PCDHA4: variants seen among roughly 807,000 people sequenced by gnomAD.
The protein encoded by PCDHA4 is protocadherin alpha-4.
Under a neutral mutation model 61.4 loss-of-function variants are expected in PCDHA4, and 49 were observed. That is an observed-to-expected ratio of 0.80 (90% confidence interval 0.63 to 1.01). The LOEUF (loss-of-function observed/expected upper bound fraction) is 1.01, where lower values mean the gene tolerates loss of function less well. Ranked by LOEUF, PCDHA4 falls within the 50% of genes least tolerant of loss-of-function variation. The pLI is 0.00. For synonymous variants in PCDHA4, 590 were observed against 550.3 expected (o/e 1.07, Z -1.01); for missense variants, 1,254 against 1,235.8 (o/e 1.01, Z -0.22).
chr5:140,823,733 A>T (rs2150128573), intron 1 of PCDHA4: 19 of 1,613,748 alleles, frequency 1.2e-5, no homozygotes, highest in Non-Finnish European at 1.6e-5. Flanking sequence ...GTGAAGGACC[A>T]TGGAGAGCCC....
chr5:140,845,157 C>T (rs1273679091), intron 1 of PCDHA4, among the ~76,000 whole-genome samples: 6 of 149,288 alleles, frequency 4.0e-5, no homozygotes, highest in Non-Finnish European at 7.5e-5. Context: ...TGTGTAAAAG[C>T]GAATTGTTTT....
At chr5:140,853,141 A>G in intron 1 of PCDHA4, 1 of 767,574 alleles carries the variant, frequency 1.3e-6, no homozygotes, top group Non-Finnish European at 1.6e-6. Flanking sequence ...AGCCTCCCAA[A>G]ATGCTGGGAT....
intron 1 of PCDHA4, among the ~76,000 whole-genome samples, chr5:140,954,933 CTT>C (rs2095111807): frequency 6.6e-6 from 1 of 152,044 alleles, no homozygotes; most frequent in East Asian, 1.9e-4. Flanking sequence ...TTTAATTAAT[CTT>C]GAGTTAATTT....
At position 140,966,655 on chromosome 5, in the gene PCDHA4, G is replaced by T. The variant is rs576875582; in HGVS notation, c.2386-12294G>T. The T allele has an allele frequency of 2.6e-5, 31 of 1,195,250 alleles. No homozygotes were observed. In the South Asian group the frequency reaches 4.0e-4, roughly 15 times the overall value. 74.0% of individuals were successfully genotyped at this position (1,195,250 alleles called of 1,614,324 possible). On this transcript the variant is annotated intron_variant, in intron 1 of 3. Coordinates refer to ENST00000530339, the MANE Select transcript of PCDHA4 (RefSeq NM_018907.4). ...AGGCGCTTTCTAGAGCGTGAGCGGT[G>T]GGGGAGCAGGCGCAGGGTGGCACGA...
At chr5:140,860,259 A>T (rs559860776) in intron 1 of PCDHA4, 1 of 151,706 alleles carries the variant, frequency 6.6e-6, no homozygotes. Flanking sequence ...TTTAGTCCCT[A>T]CTGTAGTGCT....
chr5:140,920,996 CAG>C (rs1554200030), intron 1 of PCDHA4, among the ~76,000 whole-genome samples: 3 of 151,876 alleles, frequency 2.0e-5, no homozygotes, highest in African/African-American at 7.3e-5. Context: ...CTTATTTTTT[CAG>C]AGTCAGGGTC....
intron 3 of PCDHA4, among the ~76,000 whole-genome samples, chr5:140,996,315 G>A (rs2097722113): frequency 6.6e-6 from 1 of 152,188 alleles, no homozygotes; most frequent in African/African-American, 2.4e-5. Flanking sequence ...AGTAAGGGGG[G>A]AGGGTAGAGA....
intron 1 of PCDHA4, chr5:140,928,174 C>T (rs2085016971): frequency 1.9e-6 from 3 of 1,614,060 alleles, no homozygotes; most frequent in African/African-American, 1.3e-5. Flanking sequence ...ACTTAGCACC[C>T]GAAGGACAAT....
intron 1 of PCDHA4, among the ~76,000 whole-genome samples, chr5:140,840,213 T>C (rs1554137734): frequency 6.6e-6 from 1 of 152,020 alleles, no homozygotes; most frequent in Non-Finnish European, 1.5e-5. Flanking sequence ...GTCATAAAAA[T>C]ACATATGAGT....
Position 140,836,428 on chromosome 5 carries a change from C to T in PCDHA4, c.2385+26856C>T, listed in dbSNP as rs2150260814. ...CAGGCACCAAAGGCGTCGTCGCGGG[C>T]ATCGTTGGGCATTGCAGGCCCAGAG... On this transcript the variant is annotated intron_variant, in intron 1 of 3. Transcript: ENST00000530339. 1.5e-5 allele frequency: 24 copies of T among 1,613,854 alleles called. No individual in the cohort carries two copies. Among genetic ancestry groups the T allele is most frequent in the Non-Finnish European group, 1.9e-5 (22 of 1,179,866 alleles).
intron 1 of PCDHA4, chr5:140,843,306 C>T (rs1393236321): frequency 1.3e-6 from 2 of 1,596,004 alleles, no homozygotes; most frequent in Non-Finnish European, 1.7e-6. Context: ...CTGACCGCCA[C>T]GGCCACGGTT....
chr5:140,877,668 C>T, intron 1 of PCDHA4: 1 of 1,613,568 alleles, frequency 6.2e-7, no homozygotes, highest in Non-Finnish European at 8.5e-7. Context: ...TGAGCCGGTG[C>T]GCGCCGGGCA....
At chr5:140,918,186 C>T (rs1177570782) in intron 1 of PCDHA4, among the ~76,000 whole-genome samples, 1 of 151,888 alleles carries the variant, frequency 6.6e-6, no homozygotes, top group Non-Finnish European at 1.5e-5. Flanking sequence ...TTGATTTGGC[C>T]CTCAGCTTGG....
At chr5:140,944,292 A>G (rs1330492011) in intron 1 of PCDHA4, among the ~76,000 whole-genome samples, 1 of 152,090 alleles carries the variant, frequency 6.6e-6, no homozygotes, top group Non-Finnish European at 1.5e-5. Context: ...GGCTCAAGCG[A>G]TCCTCCTACC....
At chr5:140,830,467 T>A in intron 1 of PCDHA4, 2 of 1,572,686 alleles carry the variant, frequency 1.3e-6, no homozygotes, top group Non-Finnish European at 1.7e-6. Flanking sequence ...AGGATTTAAA[T>A]GAAGATCATG....
intron 1 of PCDHA4, among the ~76,000 whole-genome samples, chr5:140,912,788 A>G (rs1467959281): frequency 6.6e-6 from 1 of 152,104 alleles, no homozygotes; most frequent in East Asian, 1.9e-4. Context: ...CTTCTATGCC[A>G]ATTTTCTTGA....
At chr5:140,809,921 C>G (rs1554125382) in intron 1 of PCDHA4, 1 of 174,240 alleles carries the variant, frequency 5.7e-6, no homozygotes, top group African/African-American at 2.4e-5. Flanking sequence ...AATAATAAAG[C>G]TCCATAAATT....
intron 1 of PCDHA4, among the ~76,000 whole-genome samples, chr5:140,941,214 C>CCTTCCTTTCTTT (rs1554214040): frequency 1.6e-5 from 2 of 122,412 alleles, no homozygotes; most frequent in Non-Finnish European, 3.4e-5. Flanking sequence ...TTTCTTTCTT[C>CCTTCCTTTCTTT]CTTTCTTTCT....
chr5:140,869,431 G>T lies in PCDHA4; in HGVS notation c.2385+59859G>T, dbSNP rs782430805. ...GTGCAGCATCCACCTGGAGGTGATC[G>T]TGGACAGGCCGCTGCAGGTTTTCCA... is the stretch of plus-strand genomic sequence containing the variant. On this transcript the variant is annotated intron_variant, in intron 1 of 3. Transcript: ENST00000530339. The T allele has an allele frequency of 3.7e-6, 6 of 1,614,204 alleles. No individual in the cohort carries two copies. In the South Asian group the frequency reaches 5.5e-5, roughly 15 times the overall value.
Sources: gnomAD v4.1 joint callset for allele counts (sites outside exome capture counted in the v4.1 genomes callset) on GRCh38, gnomAD v4.1.1 for gene constraint, MANE v1.5 for transcripts, NCBI Gene and HGNC (gene_info 2026-07-23, HGNC 2026-07-21) for gene names.